Variants in PDGFC observed in about 807,000 individuals in gnomAD.
PDGFC encodes the protein platelet-derived growth factor C.
PDGFC carries 12 observed loss-of-function variants against 35.5 expected under a neutral mutation model. That is an observed-to-expected ratio of 0.34 (90% CI 0.22 to 0.55). The LOEUF is 0.55. Among genes scored for constraint, PDGFC ranks in the 20% least tolerant of loss-of-function variants. The pLI, the probability that PDGFC is intolerant of heterozygous loss-of-function variation, is 0.91. For missense variants in PDGFC, 322 were observed against 412.4 expected (o/e 0.78, Z 1.90); for synonymous variants, 159 against 148.8 (o/e 1.07, Z -0.50).
At chr4:156,874,664 C>T (rs1359685669) in intron 1 of PDGFC, among the ~76,000 whole-genome samples, 1 of 151,982 alleles carries the variant, frequency 6.6e-6, no homozygotes, top group Non-Finnish European at 1.5e-5. Context: ...CCTTGAATTG[C>T]CTCTTAGCCA....
chr4:156,882,143 T>C (rs189851040), intron 1 of PDGFC, among the ~76,000 whole-genome samples: 29 of 152,246 alleles, frequency 1.9e-4, no homozygotes, highest in Non-Finnish European at 3.8e-4. Flanking sequence ...GTCCTAAGTA[T>C]CCTGCTATTT....
chr4:156,858,522 T>C (rs906507830), intron 1 of PDGFC, among the ~76,000 whole-genome samples: 3 of 152,056 alleles, frequency 2.0e-5, no homozygotes, highest in Non-Finnish European at 4.4e-5. Flanking sequence ...TTTTTTACTC[T>C]GTTAAATTGT....
At chr4:156,826,112 A>C (rs1340995066) in intron 2 of PDGFC, among the ~76,000 whole-genome samples, 2 of 137,672 alleles carry the variant, frequency 1.5e-5, no homozygotes, top group African/African-American at 5.4e-5. Context: ...CAATCCTCCC[A>C]CATTGGCCTC....
intron 3 of PDGFC, among the ~76,000 whole-genome samples, chr4:156,777,325 T>C (rs1730856609): frequency 6.6e-6 from 1 of 152,192 alleles, no homozygotes; most frequent in Admixed American, 6.5e-5. Flanking sequence ...CGTTGTATTA[T>C]GGGCTGAATT....
intron 2 of PDGFC, among the ~76,000 whole-genome samples, chr4:156,848,074 A>G (rs948966650): frequency 1.3e-5 from 2 of 151,910 alleles, no homozygotes; most frequent in Non-Finnish European, 2.9e-5. Context: ...TTAAAGGCAA[A>G]ATTTAAATAG....
chr4:156,788,472 A>T (rs1330775346), intron 3 of PDGFC, among the ~76,000 whole-genome samples: 1 of 152,228 alleles, frequency 6.6e-6, no homozygotes, highest in East Asian at 1.9e-4. Context: ...GAAACTTAGC[A>T]GGGCCAAAAA....
intron 1 of PDGFC, among the ~76,000 whole-genome samples, chr4:156,966,015 G>A (rs1405705309): frequency 6.6e-6 from 1 of 152,086 alleles, no homozygotes; most frequent in Non-Finnish European, 1.5e-5. Flanking sequence ...TGTCTTAGAG[G>A]AGTTGCACTA....
intron 1 of PDGFC, among the ~76,000 whole-genome samples, chr4:156,948,751 C>A (rs1321865472): frequency 6.6e-6 from 1 of 151,936 alleles, no homozygotes; most frequent in African/African-American, 2.4e-5. Context: ...GTATTTCATT[C>A]TAGTTCCTCT....
chr4:156,843,278 G>A (rs546701132), intron 2 of PDGFC, among the ~76,000 whole-genome samples: 2 of 152,318 alleles, frequency 1.3e-5, no homozygotes, highest in Non-Finnish European at 2.9e-5. Context: ...TCCATCGCCA[G>A]ATACACAATC....
intron 1 of PDGFC, among the ~76,000 whole-genome samples, chr4:156,955,248 T>A (rs1732179707): frequency 6.6e-6 from 1 of 152,058 alleles, no homozygotes; most frequent in Non-Finnish European, 1.5e-5. Flanking sequence ...CTGTCTGGCA[T>A]CTGAACGGCT....
intron 1 of PDGFC, among the ~76,000 whole-genome samples, chr4:156,923,435 T>C (rs1051720444): frequency 6.6e-6 from 1 of 152,202 alleles, no homozygotes; most frequent in Non-Finnish European, 1.5e-5. Context: ...ATTCAATGAA[T>C]AGATATAGAA....
At position 156,871,211 on chromosome 4, in the gene PDGFC, C is replaced by T. The variant is rs774281929; in HGVS notation, c.119-20795G>A. On this transcript the variant is annotated intron_variant, in intron 1 of 5. Transcript: ENST00000502773. ...CTTATAATGGGAAGTGCGCAAGAAA[C>T]TCCTTGAAAATATTAGCACTAAAAC... is the stretch of plus-strand genomic sequence containing the variant. Among the ~76,000 whole-genome samples, 20 of 152,140 alleles carry T rather than the reference C, an allele frequency of 1.3e-4. 1 individual carries two copies. The highest frequency in any genetic ancestry group is 2.6e-4 in the Non-Finnish European group (18 of 67,970).
At chr4:156,803,037 G>C (rs948801947) in intron 3 of PDGFC, among the ~76,000 whole-genome samples, 2 of 152,114 alleles carry the variant, frequency 1.3e-5, no homozygotes, top group African/African-American at 2.4e-5. Flanking sequence ...GCAAGAAAAC[G>C]TCAAAAGGAA....
At chr4:156,893,920 A>C (rs1730573438) in intron 1 of PDGFC, among the ~76,000 whole-genome samples, 1 of 152,182 alleles carries the variant, frequency 6.6e-6, no homozygotes, top group Admixed American at 6.5e-5. Context: ...TCTCTTTATT[A>C]GTTTTCTTCT....
chr4:156,928,710 T>C (rs1731477012), intron 1 of PDGFC, among the ~76,000 whole-genome samples: 1 of 152,218 alleles, frequency 6.6e-6, no homozygotes, highest in Admixed American at 6.5e-5. Flanking sequence ...TTTAAGAGAC[T>C]ATGAGAAATA....
At chr4:156,946,888 T>C in intron 1 of PDGFC, among the ~76,000 whole-genome samples, 1 of 151,986 alleles carries the variant, frequency 6.6e-6, no homozygotes, top group African/African-American at 2.4e-5. Context: ...TAAGAAGACA[T>C]CACCCAGTTT....
intron 1 of PDGFC, among the ~76,000 whole-genome samples, chr4:156,893,019 C>G (rs1193622381): frequency 6.6e-6 from 1 of 152,140 alleles, no homozygotes; most frequent in Admixed American, 6.5e-5. Flanking sequence ...TTACATACCA[C>G]CAGACAAGTC....
At position 156,971,255 on chromosome 4, in the gene PDGFC, TTGC is replaced by T; in HGVS notation, c.-355_-353del. The T allele has an allele frequency of 2.3e-6, 1 of 430,740 alleles. No individual in the cohort carries two copies. The highest frequency in any genetic ancestry group is 4.1e-6 in the Non-Finnish European group (1 of 243,838). The allele number at this position is 430,740 out of a possible 1,614,324, so 26.7% of individuals were successfully genotyped here. ...GGAGCGGCGAGAAGTCCCCAGCAAG[TTGC>T]TGGGAGCACCTGTCAGTTCGGGGGA... On this transcript the variant is annotated 5_prime_UTR_variant, in exon 1 of 6. Transcript: ENST00000502773.
intron 1 of PDGFC, among the ~76,000 whole-genome samples, chr4:156,855,068 T>C (rs1376825442): frequency 6.6e-6 from 1 of 152,024 alleles, no homozygotes; most frequent in African/African-American, 2.4e-5. Flanking sequence ...ATAATGTAAA[T>C]ACTGTAAAAC....
Sources: allele counts gnomAD v4.1 joint callset (sites outside exome capture counted in the v4.1 genomes callset), GRCh38; gene constraint gnomAD v4.1.1; transcripts MANE v1.5; gene names NCBI Gene and HGNC (gene_info 2026-07-23, HGNC 2026-07-21).